The following PM20D2 variants were observed in gnomAD, a reference collection of about 807,000 sequenced individuals.
PM20D2 encodes xaa-Arg dipeptidase.
A neutral mutation model predicts 42.9 loss-of-function variants in PM20D2; 33 were observed. The ratio of observed to expected loss-of-function variants is 0.77; its 90% CI spans 0.58 to 1.03. The LOEUF (loss-of-function observed/expected upper bound fraction) is 1.03, where lower values mean the gene tolerates loss of function less well. Among genes scored for constraint, PM20D2 ranks in the 50% least tolerant of loss-of-function variants. The pLI is 0.00. For missense variants in PM20D2, 548 were observed against 557.0 expected, an observed-to-expected ratio of 0.98 and a Z score of 0.16; for synonymous variants, 250 against 228.2, an observed-to-expected ratio of 1.10 and a Z score of -0.86.
the PM20D2 span, chr6:89,098,828 C>G: frequency 2.5e-6 from 4 of 1,613,888 alleles, no homozygotes; most frequent in Non-Finnish European, 3.4e-6. Flanking sequence ...GGACCTTGAC[C>G]GTCCTCTAGA....
the PM20D2 span, among the ~76,000 whole-genome samples, chr6:89,128,740 G>C: frequency 2.6e-5 from 4 of 152,140 alleles, no homozygotes; most frequent in African/African-American, 9.7e-5. Context: ...ACCCCCGGTG[G>C]CCCAGCTGTA....
chr6:89,114,733 C>T, the PM20D2 span, among the ~76,000 whole-genome samples: 1 of 152,174 alleles, frequency 6.6e-6, no homozygotes, highest in African/African-American at 2.4e-5. Context: ...TTTTATTTGG[C>T]CTGCATGACG....
the PM20D2 span, among the ~76,000 whole-genome samples, chr6:89,099,426 G>GTGTATATATA: frequency 7.1e-6 from 1 of 140,226 alleles, no homozygotes; most frequent in African/African-American, 2.9e-5. Flanking sequence ...ATATATATAT[G>GTGTATATATA]TGTGTATATA....
the PM20D2 span, chr6:89,105,213 C>T: frequency 6.2e-7 from 1 of 1,612,238 alleles, no homozygotes; most frequent in African/African-American, 1.3e-5. Context: ...CTCCTGTGAT[C>T]ACTTGGAGAA....
the PM20D2 span, among the ~76,000 whole-genome samples, chr6:89,099,944 T>A: frequency 3.3e-5 from 5 of 152,182 alleles, no homozygotes; most frequent in Non-Finnish European, 4.4e-5. Flanking sequence ...AAGCCTTGGC[T>A]CTTTTACTAA....
the PM20D2 span, among the ~76,000 whole-genome samples, chr6:89,117,306 T>C: frequency 6.6e-6 from 1 of 152,196 alleles, no homozygotes; most frequent in African/African-American, 2.4e-5. Flanking sequence ...AGCAGCACCG[T>C]CTGTAAGTAG....
intron 2 of PM20D2, among the ~76,000 whole-genome samples, chr6:89,152,815 TTCTC>T (rs566780525): frequency 1.1e-4 from 16 of 152,308 alleles, no homozygotes; most frequent in Non-Finnish European, 2.1e-4. Flanking sequence ...TTTTCTCTTT[TTCTC>T]TCTTTTTTGG....
At chr6:89,124,410 T>C in the PM20D2 span, among the ~76,000 whole-genome samples, 1 of 152,218 alleles carries the variant, frequency 6.6e-6, no homozygotes, top group African/African-American at 2.4e-5. Flanking sequence ...TTGCTAGAGA[T>C]AGACACGTAT....
At chr6:89,151,153 C>CAAA (rs147104190) in intron 2 of PM20D2, among the ~76,000 whole-genome samples, 103,618 of 127,676 alleles carry the variant, frequency 0.81, 42,398 homozygotes, top group East Asian at 0.99. Context: ...AACTCCATCT[C>CAAA]AAAAAAAAAG....
At chr6:89,099,751 T>A in the PM20D2 span, among the ~76,000 whole-genome samples, 5 of 152,030 alleles carry the variant, frequency 3.3e-5, no homozygotes, top group African/African-American at 1.2e-4. Flanking sequence ...GTCAGGCTGG[T>A]CTCAATCTCC....
At chr6:89,142,751 G>A (rs1036293912), upstream of PM20D2, among the ~76,000 whole-genome samples, 14 of 152,112 alleles carry the variant, frequency 9.2e-5, no homozygotes, top group African/African-American at 2.9e-4. Context: ...TCCACCTCCC[G>A]GGTTCACGCC....
intron 5 of PM20D2, 95 bp from the exon 6 acceptor site, chr6:89,161,688 C>G: frequency 1.1e-6 from 1 of 940,830 alleles, no homozygotes; most frequent in Non-Finnish European, 1.7e-6. Flanking sequence ...GCTCACTTCT[C>G]TGCGTCTCTT....
At chr6:89,106,815 A>C in the PM20D2 span, 1 of 362,384 alleles carries the variant, frequency 2.8e-6, no homozygotes, top group South Asian at 2.1e-5. Context: ...GGAAAGCCGA[A>C]GTCTCAACCT....
At position 89,158,369 on chromosome 6, in the gene PM20D2, C is replaced by CAATA. The variant is rs776937313; in HGVS notation, c.959_962dup (p.Ser322Ter). 15 of 1,609,532 alleles carry CAATA rather than the reference C, an allele frequency of 9.3e-6. No homozygotes were observed. In the South Asian group the frequency reaches 1.7e-4, roughly 18 times the overall value. ...CACATGATTATTACAATGTTCTTCC[C>CAATA]AATAAGAGCCTATGGAAAGCCTATA... On this transcript the variant is annotated frameshift_variant, in exon 5 of 7. Coordinates refer to ENST00000275072, the MANE Select transcript of PM20D2 (RefSeq NM_001010853.3). LOFTEE classifies it high-confidence loss of function.
At chr6:89,100,229 C>T in the PM20D2 span, among the ~76,000 whole-genome samples, 13 of 152,094 alleles carry the variant, frequency 8.5e-5, no homozygotes, top group East Asian at 1.9e-4. Context: ...TCAAGAACTG[C>T]GCTGAAATTT....
the PM20D2 span, among the ~76,000 whole-genome samples, chr6:89,103,330 TC>T: frequency 1.3e-5 from 2 of 150,106 alleles, no homozygotes; most frequent in African/African-American, 5.0e-5. Flanking sequence ...CAATTTAAAT[TC>T]TTTTTTTTTT....
chr6:89,096,102 C>T, the PM20D2 span: 1 of 152,186 alleles, frequency 6.6e-6, no homozygotes, highest in Non-Finnish European at 1.5e-5. Flanking sequence ...CAATTTTCAC[C>T]TAGTCACAAA....
the PM20D2 span, among the ~76,000 whole-genome samples, chr6:89,120,194 A>G: frequency 6.6e-6 from 1 of 152,224 alleles, no homozygotes; most frequent in Non-Finnish European, 1.5e-5. Context: ...ATGGGAGCTA[A>G]CAATTCAAGA....
chr6:89,153,260 A>G (rs1426213389), intron 3 of PM20D2, 75 bp downstream of exon 3: 25 of 1,179,086 alleles, frequency 2.1e-5, no homozygotes, highest in Non-Finnish European at 2.7e-5. Context: ...TTAATATTCA[A>G]TTTTTAAAAA....
Sources: gnomAD v4.1 joint callset for allele counts (sites outside exome capture counted in the v4.1 genomes callset) on GRCh38, gnomAD v4.1.1 for gene constraint, MANE v1.5 for transcripts, NCBI Gene and HGNC (gene_info 2026-07-23, HGNC 2026-07-21) for gene names.